GC: variants seen among roughly 807,000 people sequenced by gnomAD.
GC encodes the protein GC vitamin D binding protein, also known as vitamin D-binding protein.
In GC, 43 loss-of-function variants were observed where a neutral mutation model predicts 56.7. The observed-to-expected ratio is 0.76, with a 90% CI of 0.59 to 0.98. GC has a LOEUF of 0.98. Among genes scored for constraint, GC ranks in the 50% least tolerant of loss-of-function variants. GC has a pLI of 0.00. For synonymous variants in GC, 216 were observed against 202.7 expected, an observed-to-expected ratio of 1.07 and a Z score of -0.56; for missense variants, 529 against 545.9, an observed-to-expected ratio of 0.97 and a Z score of 0.31.
chr4:71,764,032 G>T, intron 4 of GC, 96 bp from the exon 5 acceptor site: 1 of 905,012 alleles, frequency 1.1e-6, no homozygotes, highest in East Asian at 2.4e-5. Flanking sequence ...ATCTAGGCTG[G>T]AGTACATGGT....
At chr4:71,789,699 G>A (rs1742925133) in intron 1 of GC, among the ~76,000 whole-genome samples, 1 of 151,846 alleles carries the variant, frequency 6.6e-6, no homozygotes, top group South Asian at 2.1e-4. Context: ...ACCTGGCAAG[G>A]GGGAATTGAG....
chr4:71,779,384 A>G (rs1057271226), intron 1 of GC, among the ~76,000 whole-genome samples: 6 of 151,828 alleles, frequency 4.0e-5, no homozygotes, highest in African/African-American at 9.7e-5. Context: ...AGCCCCCTCT[A>G]TAAATGGACT....
chr4:71,794,688 G>A (rs1647822445), intron 1 of GC, among the ~76,000 whole-genome samples: 1 of 151,864 alleles, frequency 6.6e-6, no homozygotes, highest in Non-Finnish European at 1.5e-5. Flanking sequence ...GTTATTCCTT[G>A]CCTTCTGCTA....
intron 1 of GC, among the ~76,000 whole-genome samples, chr4:71,803,770 TCGAGA>T (rs1296134980): frequency 6.6e-6 from 1 of 152,222 alleles, no homozygotes; most frequent in Non-Finnish European, 1.5e-5. Context: ...TCCTTGACAA[TCGAGA>T]AATCACTTTC....
At chr4:71,767,850 C>T (rs1021652777) in intron 3 of GC, among the ~76,000 whole-genome samples, 1 of 151,864 alleles carries the variant, frequency 6.6e-6, no homozygotes, top group Non-Finnish European at 1.5e-5. Flanking sequence ...TCCATTATAT[C>T]CTTCTTATGC....
chr4:71,754,978 C>A lies in GC; in HGVS notation c.1164G>T (p.Lys388Asn). 6.4e-7 allele frequency: 1 copy of A among 1,570,508 alleles called. No individual in the cohort carries two copies. Among genetic ancestry groups the A allele is most frequent in the South Asian group, 1.2e-5 (1 of 83,912 alleles). The change falls in exon 9 of 13, where the codon AAG (lysine) becomes AAT (asparagine). Residue 388 changes from lysine (K) to asparagine (N), a missense_variant and splice_region_variant. Transcript: ENST00000273951. ...GATAAAGAAAATCCAACAAATATACCTTAGCATTAAAACAGGTAGTTGAGT... is the reference window on the plus strand; with the variant it reads ...GATAAAGAAAATCCAACAAATATACATTAGCATTAAAACAGGTAGTTGAGT... The part of the protein sequence containing the change: ...VEDSTTCFNA[K>N]GPLLKKELSS...
At chr4:71,797,547 A>T (rs1487319607) in intron 1 of GC, among the ~76,000 whole-genome samples, 2 of 152,180 alleles carry the variant, frequency 1.3e-5, no homozygotes, top group African/African-American at 2.4e-5. Context: ...CTGAGGGAAA[A>T]GTCCTTTTTT....
chr4:71,765,639 G>A lies in GC; in HGVS notation c.266C>T (p.Ser89Leu). 1 of 1,604,804 alleles carries A rather than the reference G, an allele frequency of 6.2e-7. No individual in the cohort carries two copies. Reference protein sequence around the residue: ...ADPDCYDTRTSALSAKSCESN... With the variant: ...ADPDCYDTRTLALSAKSCESN... ...TTCACAGGACTTGGCAGACAGTGCT[G>A]AGGTCTGGAGGAGAAGGAAAAAGGA... The change falls in exon 4 of 13, where the codon TCA (serine) becomes TTA (leucine). Residue 89 changes from serine (S) to leucine (L), a missense_variant. Physicochemically the swap from Ser to Leu is moderately radical, Grantham distance 145 (BLOSUM62 -2). Coordinates refer to ENST00000273951, the MANE Select transcript of GC (RefSeq NM_000583.4).
rs1489897662 is a variant in GC, at chr4:71,784,058, T to A, written c.-40A>T. On this transcript the variant is annotated 5_prime_UTR_variant, in exon 1 of 13. Transcript: ENST00000273951. ...GTCTTGCAGCACCTCCTCTCTCCTG[T>A]AGGTGACCATGTAAAAGTGGTAGCC... is the stretch of plus-strand genomic sequence containing the variant. The A allele has an allele frequency of 5.1e-6, 8 of 1,582,924 alleles. No homozygotes were observed. The highest frequency in any genetic ancestry group is 6.9e-6 in the Non-Finnish European group (8 of 1,164,076).
At chr4:71,779,468 G>A (rs1156579409) in intron 1 of GC, among the ~76,000 whole-genome samples, 1 of 151,776 alleles carries the variant, frequency 6.6e-6, no homozygotes, top group African/African-American at 2.4e-5. Flanking sequence ...TAGGAATAGA[G>A]AAGAACTAAT....
intron 1 of GC, among the ~76,000 whole-genome samples, chr4:71,781,542 C>T (rs1742680812): frequency 6.6e-6 from 1 of 151,402 alleles, no homozygotes; most frequent in South Asian, 2.1e-4. Flanking sequence ...GTTTCCTGGT[C>T]ATTAAGGTAA....
chr4:71,797,384 G>A (rs1743131507), intron 1 of GC, among the ~76,000 whole-genome samples: 3 of 152,208 alleles, frequency 2.0e-5, no homozygotes, highest in African/African-American at 7.2e-5. Flanking sequence ...ACCTACTCAA[G>A]CCTCAGCAAT....
chr4:71,790,010 T>A (rs1032887501), intron 1 of GC, among the ~76,000 whole-genome samples: 4 of 152,110 alleles, frequency 2.6e-5, no homozygotes. Flanking sequence ...CCCCTTGTAG[T>A]TTTTAGTCTA....
intron 11 of GC, among the ~76,000 whole-genome samples, chr4:71,747,863 G>A (rs1741425930): frequency 6.6e-6 from 1 of 152,138 alleles, no homozygotes; most frequent in African/African-American, 2.4e-5. Flanking sequence ...ATGTCTAATG[G>A]AGGAAGAGTC....
At chr4:71,787,928 G>A (rs1286257573), upstream of GC, among the ~76,000 whole-genome samples, 1 of 151,840 alleles carries the variant, frequency 6.6e-6, no homozygotes, top group East Asian at 1.9e-4. Flanking sequence ...GTAGGCAGCT[G>A]GGTCCATGAC....
At chr4:71,801,195 A>G (rs1743240048) in intron 1 of GC, among the ~76,000 whole-genome samples, 1 of 152,232 alleles carries the variant, frequency 6.6e-6, no homozygotes, top group Non-Finnish European at 1.5e-5. Flanking sequence ...TCTCTAGGGA[A>G]GATACACAAA....
chr4:71,752,459 G>A (rs1430072085), intron 11 of GC, 59 bp downstream of exon 11: 10 of 1,345,632 alleles, frequency 7.4e-6, no homozygotes, highest in Non-Finnish European at 1.0e-5. Context: ...TGAGTAGATT[G>A]GAGTGCATAC....
intron 11 of GC, among the ~76,000 whole-genome samples, chr4:71,746,758 ATACCTC>A: frequency 7.4e-6 from 1 of 135,280 alleles, no homozygotes; most frequent in South Asian, 2.5e-4. Context: ...AAGGTCCAAA[ATACCTC>A]TATTTTGTAA....
chr4:71,780,225 A>G (rs569521282), intron 1 of GC, among the ~76,000 whole-genome samples: 2 of 152,228 alleles, frequency 1.3e-5, no homozygotes, highest in South Asian at 4.1e-4. Flanking sequence ...CCTTATACAA[A>G]AATTAATTCA....
Sources: allele counts gnomAD v4.1 joint callset (sites outside exome capture counted in the v4.1 genomes callset), GRCh38; gene constraint gnomAD v4.1.1; transcripts MANE v1.5; gene names NCBI Gene and HGNC (gene_info 2026-07-23, HGNC 2026-07-21).